Variants in TTC23L observed in about 807,000 individuals in gnomAD.
TTC23L encodes tetratricopeptide repeat domain 23 like, also known as tetratricopeptide repeat protein 23-like.
A neutral mutation model predicts 48.1 loss-of-function variants in TTC23L; 42 were observed. That is an observed-to-expected ratio of 0.87 (90% CI 0.68 to 1.13). The LOEUF (loss-of-function observed/expected upper bound fraction) is 1.13, where lower values mean the gene tolerates loss of function less well. Among genes scored for constraint, TTC23L ranks in the 50% most tolerant of loss-of-function variants. TTC23L has a pLI of 0.00. For synonymous variants in TTC23L, 159 were observed against 157.2 expected, an observed-to-expected ratio of 1.01 and a Z score of -0.09; for missense variants, 391 against 421.0, an observed-to-expected ratio of 0.93 and a Z score of 0.62.
At chr5:34,860,794 A>G (rs1019619050) in intron 4 of TTC23L, 1 of 152,032 alleles carries the variant, frequency 6.6e-6, no homozygotes, top group Non-Finnish European at 1.5e-5. Context: ...CATCTTCTCG[A>G]ATGTTTCTTC....
At chr5:34,876,660 A>G (rs548217683) in intron 8 of TTC23L, among the ~76,000 whole-genome samples, 2 of 152,312 alleles carry the variant, frequency 1.3e-5, no homozygotes, top group Admixed American at 6.5e-5. Context: ...TACCAAACAT[A>G]TAACAAATTC....
chr5:34,861,659 A>T (rs1300798133), intron 4 of TTC23L, among the ~76,000 whole-genome samples: 2 of 152,156 alleles, frequency 1.3e-5, no homozygotes, highest in African/African-American at 2.4e-5. Context: ...ATCAAAGACA[A>T]ACTTTTAAAT....
downstream of TTC23L, among the ~76,000 whole-genome samples, chr5:34,901,268 A>G (rs185625055): frequency 7.2e-4 from 109 of 152,070 alleles, no homozygotes; most frequent in Non-Finnish European, 1.1e-3. Context: ...AAATCTGTGT[A>G]TAAGTGGATT....
chr5:34,876,592 A>G (rs1200473110), intron 8 of TTC23L, among the ~76,000 whole-genome samples: 1 of 152,246 alleles, frequency 6.6e-6, no homozygotes, highest in Admixed American at 6.5e-5. Context: ...ATCCATTTCT[A>G]TTAAAGAAAT....
At chr5:34,843,756 T>C (rs757466681) in intron 2 of TTC23L, among the ~76,000 whole-genome samples, 6 of 152,224 alleles carry the variant, frequency 3.9e-5, no homozygotes, top group Non-Finnish European at 8.8e-5. Flanking sequence ...GCCACAGATT[T>C]CCTCTCTCCT....
the TTC23L span, chr5:34,915,827 C>G: frequency 6.4e-7 from 1 of 1,573,320 alleles, no homozygotes; most frequent in East Asian, 2.3e-5. Context: ...GAGCCGCCAG[C>G]TAAGCGGCAC....
chr5:34,847,059 A>G (rs569955379), intron 3 of TTC23L, among the ~76,000 whole-genome samples: 52 of 152,318 alleles, frequency 3.4e-4, no homozygotes, highest in African/African-American at 1.3e-3. Flanking sequence ...CTTCCAGAGC[A>G]TGATTTATCA....
intron 4 of TTC23L, among the ~76,000 whole-genome samples, chr5:34,853,174 T>A (rs951127166): frequency 1.3e-5 from 2 of 152,118 alleles, no homozygotes; most frequent in African/African-American, 2.4e-5. Flanking sequence ...AAGATGTTAG[T>A]CTGGGAGAAA....
At chr5:34,903,248 A>T (rs1763553527), downstream of TTC23L, among the ~76,000 whole-genome samples, 1 of 152,222 alleles carries the variant, frequency 6.6e-6, no homozygotes, top group South Asian at 2.1e-4. Context: ...ATACTGAATC[A>T]TATAATTTTA....
At chr5:34,850,758 C>T (rs1444636386) in intron 4 of TTC23L, among the ~76,000 whole-genome samples, 1 of 152,106 alleles carries the variant, frequency 6.6e-6, no homozygotes, top group Non-Finnish European at 1.5e-5. Flanking sequence ...GAAGGTTTGG[C>T]TTAGTGAAAG....
At chr5:34,914,681 G>A in the TTC23L span, 1 of 1,613,498 alleles carries the variant, frequency 6.2e-7, no homozygotes. Flanking sequence ...GCTTAAAGGC[G>A]CCTACTTCCA....
intron 9 of TTC23L, among the ~76,000 whole-genome samples, chr5:34,892,113 A>G (rs1762905504): frequency 6.6e-6 from 1 of 152,202 alleles, no homozygotes; most frequent in African/African-American, 2.4e-5. Context: ...TGGTACAACG[A>G]TTGCTGTCTC....
At chr5:34,923,145 C>A in the TTC23L span, 1 of 1,613,302 alleles carries the variant, frequency 6.2e-7, no homozygotes, top group Non-Finnish European at 8.5e-7. Context: ...CTTTAGTACA[C>A]CACGGTATCA....
At chr5:34,893,985 A>G (rs757068194) in intron 9 of TTC23L, among the ~76,000 whole-genome samples, 1 of 152,196 alleles carries the variant, frequency 6.6e-6, no homozygotes, top group Non-Finnish European at 1.5e-5. Flanking sequence ...TTTTTGTGGT[A>G]ATGAAAAATA....
intron 9 of TTC23L, among the ~76,000 whole-genome samples, chr5:34,896,001 G>T (rs887373386): frequency 2.0e-5 from 3 of 152,342 alleles, no homozygotes; most frequent in African/African-American, 7.2e-5. Flanking sequence ...AGCACAATCT[G>T]CTCCACCAGA....
At chr5:34,888,315 C>G (rs1762659623) in intron 9 of TTC23L, 1 of 181,932 alleles carries the variant, frequency 5.5e-6, no homozygotes, top group Non-Finnish European at 1.0e-5. Flanking sequence ...GCTTAGGAAA[C>G]AAATGAAATG....
chr5:34,840,032 C>T (rs1033675833), intron 1 of TTC23L, among the ~76,000 whole-genome samples: 5 of 152,230 alleles, frequency 3.3e-5, no homozygotes, highest in African/African-American at 9.6e-5. Context: ...GCTGGAACTA[C>T]AGGCGTGCAC....
intron 9 of TTC23L, among the ~76,000 whole-genome samples, chr5:34,893,472 A>G (rs982181068): frequency 6.6e-6 from 1 of 152,208 alleles, no homozygotes; most frequent in African/African-American, 2.4e-5. Flanking sequence ...ATGTGAAACA[A>G]GAAGGCTTAG....
At chr5:34,888,093 G>A (rs1307821989) in intron 9 of TTC23L, among the ~76,000 whole-genome samples, 1 of 152,178 alleles carries the variant, frequency 6.6e-6, no homozygotes, top group Non-Finnish European at 1.5e-5. Flanking sequence ...TGGGATTAGT[G>A]CCCTTTTAAA....
Sources: gnomAD v4.1 joint callset for allele counts (sites outside exome capture counted in the v4.1 genomes callset) on GRCh38, gnomAD v4.1.1 for gene constraint, MANE v1.5 for transcripts, NCBI Gene and HGNC (gene_info 2026-07-23, HGNC 2026-07-21) for gene names.